CADM1: variants seen among roughly 807,000 people sequenced by gnomAD.
The protein encoded by CADM1 is cell adhesion molecule 1.
A neutral mutation model predicts 53.1 loss-of-function variants in CADM1; 15 were observed. The ratio of observed to expected loss-of-function variants is 0.28; its 90% CI spans 0.19 to 0.44. CADM1 has a LOEUF of 0.44. Among genes scored for constraint, CADM1 ranks in the 20% least tolerant of loss-of-function variants. CADM1 has a pLI of 1.00. For synonymous variants in CADM1, 281 were observed against 243.0 expected (o/e 1.16, Z -1.45); for missense variants, 434 against 611.3 (o/e 0.71, Z 3.06).
intron 1 of CADM1, among the ~76,000 whole-genome samples, chr11:115,245,830 T>C (rs1168145562): frequency 3.9e-5 from 6 of 152,242 alleles, no homozygotes; most frequent in Non-Finnish European, 8.8e-5. Flanking sequence ...ATTGTCAGCA[T>C]ATTTTGTACA....
rs542470158 is a variant in CADM1, at chr11:115,234,115, A to G, written c.425-2625T>C. On this transcript the variant is annotated intron_variant, in intron 3 of 11. Coordinates refer to ENST00000331581, the MANE Select transcript of CADM1 (RefSeq NM_001301043.2). ...AGATGGTTGTTTCCTGTGTTCCTGGATACCTTTCCTTTATTCTCTGAGTTT... is the reference window on the plus strand; with the variant it reads ...AGATGGTTGTTTCCTGTGTTCCTGGGTACCTTTCCTTTATTCTCTGAGTTT... 7.2e-5 allele frequency among the ~76,000 whole-genome samples: 11 copies of G among 152,282 alleles called. 1 individual carries two copies. Among genetic ancestry groups the G allele is most frequent in the African/African-American group, 2.6e-4 (11 of 41,566 alleles).
intron 1 of CADM1, among the ~76,000 whole-genome samples, chr11:115,249,891 T>G (rs1206754131): frequency 6.6e-6 from 1 of 152,178 alleles, no homozygotes; most frequent in Non-Finnish European, 1.5e-5. Flanking sequence ...ATGTAGGCTG[T>G]TCACAATACT....
At chr11:115,385,182 CAAA>C (rs34684645) in intron 1 of CADM1, among the ~76,000 whole-genome samples, 2 of 90,938 alleles carry the variant, frequency 2.2e-5, no homozygotes, top group African/African-American at 8.4e-5. Context: ...ATGTGCTTTC[CAAA>C]AAAAAAAAAA....
In CADM1 at chr11:115,406,442, T is replaced by A. The variant is rs552140089; in HGVS notation, c.124+97829A>T. ...AACAAAATCCCATTTCCATAATAAA[T>A]TTAAAGAATAAATACATGTGAAATA... On this transcript the variant is annotated intron_variant, in intron 1 of 11. Coordinates refer to ENST00000331581, the MANE Select transcript of CADM1 (RefSeq NM_001301043.2). 1.1e-4 allele frequency among the ~76,000 whole-genome samples: 17 copies of A among 150,722 alleles called. No homozygotes were observed. The East Asian group carries it at 2.3e-3, about 21-fold the overall frequency.
At chr11:115,310,326 C>G (rs932711003) in intron 1 of CADM1, among the ~76,000 whole-genome samples, 1 of 151,954 alleles carries the variant, frequency 6.6e-6, no homozygotes, top group Non-Finnish European at 1.5e-5. Context: ...CCTTCTTAAA[C>G]AGAGTGAAAA....
intron 1 of CADM1, among the ~76,000 whole-genome samples, chr11:115,434,100 T>C (rs1490181270): frequency 2.6e-5 from 4 of 152,238 alleles, no homozygotes; most frequent in Non-Finnish European, 5.9e-5. Flanking sequence ...TGGAAGTTCA[T>C]GAGCTTCATG....
At chr11:115,455,779 C>T (rs1948671335) in intron 1 of CADM1, among the ~76,000 whole-genome samples, 1 of 152,212 alleles carries the variant, frequency 6.6e-6, no homozygotes, top group African/African-American at 2.4e-5. Flanking sequence ...TGGTGAAGTA[C>T]TTCACAAATC....
At chr11:115,379,845 C>G (rs774910633) in intron 1 of CADM1, among the ~76,000 whole-genome samples, 1 of 152,132 alleles carries the variant, frequency 6.6e-6, no homozygotes, top group African/African-American at 2.4e-5. Flanking sequence ...TATCAGTCAT[C>G]TTGGTATGTT....
intron 1 of CADM1, among the ~76,000 whole-genome samples, chr11:115,297,128 T>C (rs1285285451): frequency 1.3e-5 from 2 of 152,138 alleles, no homozygotes; most frequent in African/African-American, 4.8e-5. Flanking sequence ...AGCACAAGGG[T>C]TTCACTGGAT....
At chr11:115,497,604 C>T (rs2135439689) in intron 1 of CADM1, among the ~76,000 whole-genome samples, 1 of 152,338 alleles carries the variant, frequency 6.6e-6, no homozygotes, top group South Asian at 2.1e-4. Flanking sequence ...CAGCTGCTGG[C>T]TAGAGCCTGC....
Position 115,175,114 on chromosome 11 carries a change from A to AT in CADM1, c.*1359dup. 2 of 985,838 alleles carry AT rather than the reference A, an allele frequency of 2.0e-6. No individual in the cohort carries two copies. Among genetic ancestry groups the AT allele is most frequent in the Non-Finnish European group, 2.4e-6 (2 of 829,934 alleles). The allele number at this position is 985,838 out of a possible 1,614,324, so 61.1% of individuals were successfully genotyped here. A position where few individuals can be genotyped will look rare whatever the true frequency, so the allele number is the denominator to read the frequency against. ...AAGGTAAAAAGATAAAAACACTCACATTTGAGTTTTGATTAAGTAACTGAA... is the reference window on the plus strand; with the variant it reads ...AAGGTAAAAAGATAAAAACACTCACATTTTGAGTTTTGATTAAGTAACTGAA... On this transcript the variant is annotated 3_prime_UTR_variant, in exon 12 of 12. Transcript: ENST00000331581.
intron 1 of CADM1, among the ~76,000 whole-genome samples, chr11:115,392,141 CTTAT>C (rs956538093): frequency 1.3e-5 from 2 of 151,916 alleles, no homozygotes; most frequent in Admixed American, 1.3e-4. Context: ...TCTTACCTTG[CTTAT>C]TTTTTTCCAT....
chr11:115,194,894 T>G (rs1382159830), intron 9 of CADM1, among the ~76,000 whole-genome samples: 1 of 152,062 alleles, frequency 6.6e-6, no homozygotes, highest in Admixed American at 6.6e-5. Context: ...ACGAAAACCA[T>G]CACACGCACC....
chr11:115,308,054 GA>G (rs963734798), intron 1 of CADM1, among the ~76,000 whole-genome samples: 2 of 150,912 alleles, frequency 1.3e-5, no homozygotes, highest in African/African-American at 4.9e-5. Flanking sequence ...AGGAGAAGTA[GA>G]AAAAAAATTT....
intron 1 of CADM1, among the ~76,000 whole-genome samples, chr11:115,479,029 G>C (rs1949200200): frequency 6.6e-6 from 1 of 152,102 alleles, no homozygotes; most frequent in South Asian, 2.1e-4. Flanking sequence ...TATGTCTGTA[G>C]ACTGAAGTGA....
At chr11:115,234,893 CAAAAAAAAAAAA>C (rs57197514) in intron 3 of CADM1, among the ~76,000 whole-genome samples, 11 of 75,396 alleles carry the variant, frequency 1.5e-4, no homozygotes, top group African/African-American at 4.8e-4. Context: ...ACTCCGTCTC[CAAAAAAAAAAAA>C]AAAAAAAAAA....
rs1938947815 is a variant in CADM1 at position 115,174,828 on chromosome 11, A to G, written c.*1646T>C. ...GCTGGAGTCTGGAGTCTTACCAAACATATGGTAAGAGTTTAGTTTCTGTCC... is the reference window on the plus strand; with the variant it reads ...GCTGGAGTCTGGAGTCTTACCAAACGTATGGTAAGAGTTTAGTTTCTGTCC... On this transcript the variant is annotated 3_prime_UTR_variant, in exon 12 of 12. Coordinates refer to ENST00000331581, the MANE Select transcript of CADM1 (RefSeq NM_001301043.2). 1.0e-6 allele frequency: 1 copy of G among 981,580 alleles called. No individual in the cohort carries two copies. Among genetic ancestry groups the G allele is most frequent in the Admixed American group, 6.1e-5 (1 of 16,264 alleles). 60.8% of individuals were successfully genotyped at this position (981,580 alleles called of 1,614,324 possible).
At chr11:115,426,002 G>C (rs573066574) in intron 1 of CADM1, among the ~76,000 whole-genome samples, 2 of 152,310 alleles carry the variant, frequency 1.3e-5, no homozygotes, top group Admixed American at 1.3e-4. Context: ...TTCTGCTGGA[G>C]GAAGGGAACG....
chr11:115,392,502 A>G (rs1005396041), intron 1 of CADM1, among the ~76,000 whole-genome samples: 3 of 152,196 alleles, frequency 2.0e-5, no homozygotes, highest in Non-Finnish European at 4.4e-5. Flanking sequence ...CGTACACATT[A>G]AACATTGATT....
Sources: gnomAD v4.1 joint callset for allele counts (sites outside exome capture counted in the v4.1 genomes callset) on GRCh38, gnomAD v4.1.1 for gene constraint, MANE v1.5 for transcripts, NCBI Gene and HGNC (gene_info 2026-07-23, HGNC 2026-07-21) for gene names.